The following ANXA9 variants were observed in gnomAD, a reference collection of about 807,000 sequenced individuals.
The protein encoded by ANXA9 is annexin A9, also known as annexin 31.
ANXA9 carries 47 observed loss-of-function variants against 51.8 expected under a neutral mutation model. The ratio of observed to expected loss-of-function variants is 0.91; its 90% CI spans 0.72 to 1.16. ANXA9 has a LOEUF of 1.16. Ranked by LOEUF, ANXA9 falls within the 50% of genes most tolerant of loss-of-function variation. The pLI, the probability that ANXA9 is intolerant of heterozygous loss-of-function variation, is 0.00. For synonymous variants in ANXA9, 154 were observed against 168.7 expected (o/e 0.91, Z 0.68); for missense variants, 361 against 424.7 (o/e 0.85, Z 1.32).
upstream of ANXA9, among the ~76,000 whole-genome samples, chr1:150,981,171 T>C (rs2102784311): frequency 6.6e-6 from 1 of 152,292 alleles, no homozygotes; most frequent in Admixed American, 6.5e-5. Context: ...GTTTTCCTTT[T>C]AACAGGAGAG....
In ANXA9 at chr1:150,984,414, G is replaced by T; in HGVS notation, c.381+20G>T. On this transcript the variant is annotated intron_variant, in intron 6 of 13. Transcript: ENST00000368947. Reference sequence around the variant, plus strand: ...CTGAAGGTAGCAGGAGGGGAGACTTGCTGGGGTGTCTGGGGAAGGGAGAAG... The same window carrying T: ...CTGAAGGTAGCAGGAGGGGAGACTTTCTGGGGTGTCTGGGGAAGGGAGAAG... 1.2e-6 allele frequency: 2 copies of T among 1,611,722 alleles called. No homozygotes were observed. The highest frequency in any genetic ancestry group is 1.7e-6 in the Non-Finnish European group (2 of 1,177,850).
upstream of ANXA9, among the ~76,000 whole-genome samples, chr1:150,980,572 C>CTTT (rs869295630): frequency 6.9e-3 from 612 of 89,112 alleles, 5 homozygotes; most frequent in East Asian, 9.9e-3. Context: ...ACACAGATTA[C>CTTT]TTTTTTTTTT....
At chr1:150,984,122 G>A (rs1671491775) in intron 5 of ANXA9, 53 bp downstream of exon 5, 4 of 1,570,758 alleles carry the variant, frequency 2.5e-6, no homozygotes, top group Admixed American at 3.7e-5. Context: ...AAACCCCCTG[G>A]AGGACTCGAG....
intron 7 of ANXA9, among the ~76,000 whole-genome samples, chr1:150,985,032 G>A (rs1671516268): frequency 6.6e-6 from 1 of 152,006 alleles, no homozygotes; most frequent in South Asian, 2.1e-4. Context: ...GGTCATGGTG[G>A]TGTGCGCCTG....
chr1:150,983,928 C>T, intron 4 of ANXA9, 47 bp from the exon 5 acceptor site: 1 of 1,560,550 alleles, frequency 6.4e-7, no homozygotes, highest in Non-Finnish European at 8.7e-7. Flanking sequence ...AGGAACATCC[C>T]ACTATGTAAA....
At chr1:150,980,675 G>A (rs1671401318), upstream of ANXA9, among the ~76,000 whole-genome samples, 1 of 148,362 alleles carries the variant, frequency 6.7e-6, no homozygotes, top group South Asian at 2.1e-4. Context: ...TGCCTCCCAG[G>A]TTCAAGTGAT....
Position 150,982,572 on chromosome 1 carries a change from G to A in ANXA9, c.-28G>A, listed in dbSNP as rs1034667506. The A allele has an allele frequency of 6.5e-6, 1 of 154,058 alleles. No homozygotes were observed. The highest frequency in any genetic ancestry group is 3.4e-3 in the Middle Eastern group (1 of 298). The allele number at this position is 154,058 out of a possible 1,614,324, so 9.5% of individuals were successfully genotyped here. A position where few individuals can be genotyped will look rare whatever the true frequency, so the allele number is the denominator to read the frequency against. On this transcript the variant is annotated 5_prime_UTR_variant, in exon 2 of 14. Transcript: ENST00000368947. The stretch of plus-strand genomic sequence containing the variant: ...TAGAGATTCCGGCCTGTGCTCCTGT[G>A]CTGCTGAGCAGGTAGGCAGCTGTAC...
chr1:150,982,402 C>T (rs923305992), intron 1 of ANXA9, 23 bp downstream of exon 1: 1 of 152,454 alleles, frequency 6.6e-6, no homozygotes, highest in Non-Finnish European at 1.5e-5. Context: ...CCCACGGCCC[C>T]ATGCCAGGAG....
chr1:150,984,418 G>C (rs759478610), intron 6 of ANXA9, 24 bp downstream of exon 6: 13 of 1,607,838 alleles, frequency 8.1e-6, no homozygotes, highest in Middle Eastern at 1.7e-4. Context: ...AGACTTGCTG[G>C]GGTGTCTGGG....
At chr1:150,981,364 T>C (rs1348936396), upstream of ANXA9, among the ~76,000 whole-genome samples, 1 of 152,108 alleles carries the variant, frequency 6.6e-6, no homozygotes, top group Non-Finnish European at 1.5e-5. Flanking sequence ...CTGTAGCTTC[T>C]GTGCCCCGCC....
chr1:150,982,986 G>T (rs1014777884), intron 2 of ANXA9, 104 bp from the exon 3 acceptor site: 2 of 765,326 alleles, frequency 2.6e-6, no homozygotes, highest in Admixed American at 2.7e-5. Context: ...AGCAAGGAAA[G>T]GAACAGGTGA....
rs376305826 is a variant in ANXA9 at position 150,988,108 on chromosome 1, C to T, written c.715C>T (p.Arg239Trp). 5 of 1,614,184 alleles carry T rather than the reference C, an allele frequency of 3.1e-6. No homozygotes were observed. The South Asian group carries it at 3.3e-5, about 11-fold the overall frequency. The change falls in exon 11 of 14, where the codon CGG becomes TGG. Residue 239 changes from arginine to tryptophan, a missense_variant. Transcript: ENST00000368947. The part of the protein sequence containing the change: ...HLIRVFDQYQ[R>W]STGQELEEAV... Reference sequence around the variant, plus strand: ...CACACAAGTGTTTGATCAGTACCAGCGGAGCACTGGGCAAGAGCTGGAGGA... The same window carrying T: ...CACACAAGTGTTTGATCAGTACCAGTGGAGCACTGGGCAAGAGCTGGAGGA...
In ANXA9 at chr1:150,989,263, G is replaced by C. The variant is rs191516355; in HGVS notation, c.852+922G>C. ...CGAAGTGCTAGGATTACAGGCGTGA[G>C]CCACTGCGCCCAGCCCATATTATCC... On this transcript the variant is annotated intron_variant, in intron 12 of 13. Coordinates refer to ENST00000368947, the MANE Select transcript of ANXA9 (RefSeq NM_003568.3). Among the ~76,000 whole-genome samples, 15 of 152,108 alleles carry C rather than the reference G, an allele frequency of 9.9e-5. No homozygotes were observed. The East Asian group carries it at 2.9e-3, about 30-fold the overall frequency.
In ANXA9 at chr1:150,988,287, G is replaced by C; in HGVS notation, c.798G>C (p.Ser266=). 1 of 1,614,056 alleles carries C rather than the reference G, an allele frequency of 6.2e-7. No individual in the cohort carries two copies. The highest frequency in any genetic ancestry group is 8.5e-7 in the Non-Finnish European group (1 of 1,180,020). Residue 266 remains serine, a synonymous_variant, in exon 12 of 14, where the codon TCG becomes TCC. Coordinates refer to ENST00000368947, the MANE Select transcript of ANXA9 (RefSeq NM_003568.3). The stretch of plus-strand genomic sequence containing the variant: ...TCCTTCCATCTTTGTTTCCAGCTTC[G>C]GTGATCAAGAACACACCGCTGTACT... ...DAQVALLGLA[S]VIKNTPLYFA... is the part of the protein sequence containing the mutation.
upstream of ANXA9, among the ~76,000 whole-genome samples, chr1:150,980,002 C>T (rs1459332272): frequency 6.6e-6 from 1 of 152,184 alleles, no homozygotes; most frequent in Admixed American, 6.5e-5. Flanking sequence ...AGAAGTCTGG[C>T]TCCAGAAGCT....
rs1472198680 is a variant in ANXA9, at chr1:150,984,379, G to A, written c.366G>A (p.Leu122=). 3 of 1,614,064 alleles carry A rather than the reference G, an allele frequency of 1.9e-6. No individual in the cohort carries two copies. Among genetic ancestry groups the A allele is most frequent in the African/African-American group, 1.3e-5 (1 of 74,940 alleles). The part of the protein sequence containing the change: ...QPTAQFDAQE[L]RTALKASDSA... ...CAGCCCAGTTTGACGCCCAGGAATT[G>A]AGGACAGCTCTGAAGGTAGCAGGAG... Residue 122 remains leucine, a synonymous_variant, in exon 6 of 14, where the codon TTG becomes TTA. Transcript: ENST00000368947.
upstream of ANXA9, among the ~76,000 whole-genome samples, chr1:150,979,162 C>T (rs745380818): frequency 2.0e-5 from 3 of 150,488 alleles, no homozygotes; most frequent in Non-Finnish European, 4.4e-5. Context: ...CGATTGTGAA[C>T]GCATCACACA....
In ANXA9 at chr1:150,988,352, C is replaced by CA; in HGVS notation, c.852+12dup. ...CATCAAGCCCTCCAGGTGAGAGGGG[C>CA]ACTCCTTTCCCTCCCCAGAACAGAA... On this transcript the variant is annotated intron_variant, in intron 12 of 13. Coordinates refer to ENST00000368947, the MANE Select transcript of ANXA9 (RefSeq NM_003568.3). 6.2e-7 allele frequency: 1 copy of CA among 1,613,548 alleles called. No individual in the cohort carries two copies. Among genetic ancestry groups the CA allele is most frequent in the South Asian group, 1.1e-5 (1 of 91,044 alleles).
intron 10 of ANXA9, 55 bp downstream of exon 10, chr1:150,988,011 A>G: frequency 6.2e-7 from 1 of 1,613,738 alleles, no homozygotes; most frequent in Non-Finnish European, 8.5e-7. Context: ...GTTTGGGCTG[A>G]GGAAGGTGGG....
Sources: gnomAD v4.1 joint callset for allele counts (sites outside exome capture counted in the v4.1 genomes callset) on GRCh38, gnomAD v4.1.1 for gene constraint, MANE v1.5 for transcripts, NCBI Gene and HGNC (gene_info 2026-07-23, HGNC 2026-07-21) for gene names.